DHRSX: variants seen among roughly 807,000 people sequenced by gnomAD.
The protein encoded by DHRSX is polyprenol dehydrogenase.
Under a neutral mutation model 34.0 loss-of-function variants are expected in DHRSX, and 31 were observed. The ratio of observed to expected loss-of-function variants is 0.91; its 90% CI spans 0.69 to 1.23. The LOEUF is 1.23. Ranked by LOEUF, DHRSX falls within the 50% of genes most tolerant of loss-of-function variation. The probability of loss-of-function intolerance (pLI) is 0.00; values close to 1 mark genes in which losing one functional copy is unlikely to be tolerated. For synonymous variants in DHRSX, 201 were observed against 183.8 expected (o/e 1.09, Z -0.76); for missense variants, 414 against 428.1 (o/e 0.97, Z 0.29).
At chrX:2,493,267 G>A (rs755310159) in intron 1 of DHRSX, among the ~76,000 whole-genome samples, 3 of 152,248 alleles carry the variant, frequency 2.0e-5, no homozygotes, top group Admixed American at 6.5e-5. Context: ...ATCTCAAGAG[G>A]CCTCCTAAGT....
intron 3 of DHRSX, among the ~76,000 whole-genome samples, chrX:2,402,938 G>C (rs1461197661): frequency 6.9e-6 from 1 of 145,252 alleles, no homozygotes; most frequent in African/African-American, 2.6e-5. Flanking sequence ...GTTGGAGTGC[G>C]GTGGCACAAT....
At position 2,500,906 on chromosome X, in the gene DHRSX, G is replaced by C; in HGVS notation, c.20C>G (p.Ala7Gly). 1.8e-6 allele frequency: 2 copies of C among 1,119,594 alleles called. No individual in the cohort carries two copies. Among genetic ancestry groups the C allele is most frequent in the African/African-American group, 1.7e-5 (1 of 59,736 alleles). 69.4% of individuals were successfully genotyped at this position (1,119,594 alleles called of 1,614,324 possible). ...CGCGTAGACCCGCAGGGCCGCCCGC[G>C]CCGCAGACAATGGCGACATGGCTGC... MSPLSA[A>G]RAALRVYAVG... Residue 7 changes from alanine (A) to glycine (G), a missense_variant, in exon 1 of 7, where the codon GCG (alanine) becomes GGG (glycine). By Grantham distance (60) the Ala-to-Gly change is moderately conservative (BLOSUM62 0). Coordinates refer to ENST00000334651, the MANE Select transcript of DHRSX (RefSeq NM_145177.3).
chrX:2,241,695 G>A (rs942824654), intron 6 of DHRSX, among the ~76,000 whole-genome samples: 29 of 152,074 alleles, frequency 1.9e-4, no homozygotes, highest in African/African-American at 7.0e-4. Context: ...GATCACCTGA[G>A]GTCCAGAGTT....
At chrX:2,306,453 G>A (rs1382006770) in intron 3 of DHRSX, among the ~76,000 whole-genome samples, 5 of 148,488 alleles carry the variant, frequency 3.4e-5, no homozygotes, top group South Asian at 4.3e-4. Flanking sequence ...TTAAGATTGC[G>A]ATCAATTATC....
chrX:2,414,812 A>G (rs1319651645), intron 2 of DHRSX, among the ~76,000 whole-genome samples: 1 of 152,256 alleles, frequency 6.6e-6, no homozygotes. Context: ...AGATCTCATC[A>G]TGAACAACCT....
intron 5 of DHRSX, among the ~76,000 whole-genome samples, chrX:2,251,776 A>C: frequency 1.3e-5 from 2 of 152,296 alleles, no homozygotes; most frequent in South Asian, 4.1e-4. Context: ...GCTGGAAAAG[A>C]AACCTCAGGT....
intron 3 of DHRSX, among the ~76,000 whole-genome samples, chrX:2,394,022 G>C (rs1245882904): frequency 6.6e-6 from 1 of 152,224 alleles, no homozygotes; most frequent in South Asian, 2.1e-4. Flanking sequence ...TGATTTGCCC[G>C]AGCACTCATG....
chrX:2,234,974 G>A lies in DHRSX; in HGVS notation c.804+8049C>T, dbSNP rs181335377. ...GATCCACCCGCCTCAGCCTCCCAAA[G>A]TGCTGGGATTACAGGCATGATCCAC... On this transcript the variant is annotated intron_variant, in intron 6 of 6. Coordinates refer to ENST00000334651, the MANE Select transcript of DHRSX (RefSeq NM_145177.3). Among the ~76,000 whole-genome samples the A allele has an allele frequency of 4.1e-3, 621 of 152,268 alleles. 1 individual carries two copies. Among genetic ancestry groups the A allele is most frequent in the Middle Eastern group, 0.01 (3 of 294 alleles).
At chrX:2,319,249 C>T (rs1044752200) in intron 3 of DHRSX, among the ~76,000 whole-genome samples, 5 of 144,788 alleles carry the variant, frequency 3.5e-5, no homozygotes, top group Non-Finnish European at 7.6e-5. Context: ...CCCTCCCCCT[C>T]CTCTCCCTAC....
At chrX:2,454,851 G>T (rs574540573) in intron 1 of DHRSX, among the ~76,000 whole-genome samples, 1 of 151,952 alleles carries the variant, frequency 6.6e-6, no homozygotes, top group Admixed American at 6.6e-5. Context: ...GGTGGCTCAC[G>T]CCTGTAATCT....
intron 2 of DHRSX, among the ~76,000 whole-genome samples, chrX:2,421,150 A>G (rs776284787): frequency 1.3e-5 from 2 of 152,254 alleles, no homozygotes; most frequent in East Asian, 3.9e-4. Context: ...AAGCCGAGGC[A>G]GGCAGATCGC....
chrX:2,457,605 C>G (rs1379791942), intron 1 of DHRSX, among the ~76,000 whole-genome samples: 1 of 151,722 alleles, frequency 6.6e-6, no homozygotes, highest in Admixed American at 6.6e-5. Flanking sequence ...CATGTACACA[C>G]TGAAGACATC....
intron 2 of DHRSX, among the ~76,000 whole-genome samples, chrX:2,419,469 T>C (rs1258186683): frequency 6.6e-6 from 1 of 152,122 alleles, no homozygotes; most frequent in Non-Finnish European, 1.5e-5. Context: ...CATTACTGGG[T>C]ATATACCCAA....
chrX:2,368,540 G>A (rs1201145058), intron 3 of DHRSX, among the ~76,000 whole-genome samples: 8 of 151,950 alleles, frequency 5.3e-5, no homozygotes, highest in Admixed American at 6.6e-5. Flanking sequence ...AAATGCTTAC[G>A]GGTATTTACT....
At chrX:2,334,126 T>C (rs1248084370) in intron 3 of DHRSX, among the ~76,000 whole-genome samples, 1 of 151,822 alleles carries the variant, frequency 6.6e-6, no homozygotes, top group African/African-American at 2.4e-5. Context: ...CAGGAATGGT[T>C]GCTGGGTTGA....
rs781256924 is a variant in DHRSX, at chrX:2,333,950, A to G, written c.287-42347T>C. 3.3e-5 allele frequency among the ~76,000 whole-genome samples: 5 copies of G among 152,304 alleles called. No homozygotes were observed. The South Asian group carries it at 8.3e-4, about 25-fold the overall frequency. On this transcript the variant is annotated intron_variant, in intron 3 of 6. Transcript: ENST00000334651. Reference sequence around the variant, plus strand: ...ATCTTGTTCTTTTTTACAGCTGCACAGTATTCCACGACGTACATGTACCAC... The same window carrying G: ...ATCTTGTTCTTTTTTACAGCTGCACGGTATTCCACGACGTACATGTACCAC...
chrX:2,238,919 C>A (rs2016079035), intron 6 of DHRSX, among the ~76,000 whole-genome samples: 1 of 152,034 alleles, frequency 6.6e-6, no homozygotes. Flanking sequence ...TGCATGCATG[C>A]ATGCATGCAT....
chrX:2,446,626 G>A (rs1410076652), intron 1 of DHRSX, among the ~76,000 whole-genome samples: 1 of 151,024 alleles, frequency 6.6e-6, no homozygotes, highest in Non-Finnish European at 1.5e-5. Context: ...CCTAAGCATG[G>A]GCTAAGGGAC....
chrX:2,493,939 T>C (rs746962915), intron 1 of DHRSX, among the ~76,000 whole-genome samples: 1 of 152,114 alleles, frequency 6.6e-6, no homozygotes, highest in South Asian at 2.1e-4. Flanking sequence ...GCCATTGCAC[T>C]GTAGCCTGGG....
Sources: gnomAD v4.1 joint callset for allele counts (sites outside exome capture counted in the v4.1 genomes callset) on GRCh38, gnomAD v4.1.1 for gene constraint, MANE v1.5 for transcripts, NCBI Gene and HGNC (gene_info 2026-07-23, HGNC 2026-07-21) for gene names.